The following KLF11 variants were observed in gnomAD, a reference collection of about 807,000 sequenced individuals.
KLF11 encodes the protein Krueppel-like factor 11.
KLF11 carries 26 observed loss-of-function variants against 29.9 expected under a neutral mutation model. The ratio of observed to expected loss-of-function variants is 0.87; its 90% CI spans 0.64 to 1.21. KLF11 has a LOEUF of 1.21. Ranked by LOEUF, KLF11 falls within the 50% of genes most tolerant of loss-of-function variation. The pLI, the probability that KLF11 is intolerant of heterozygous loss-of-function variation, is 0.00. For synonymous variants in KLF11, 318 were observed against 257.4 expected (o/e 1.24, Z -2.25); for missense variants, 778 against 665.7 (o/e 1.17, Z -1.86).
At chr2:10,048,620 T>G (rs1318148903) in intron 3 of KLF11, 25 bp downstream of exon 3, 1 of 1,530,088 alleles carries the variant, frequency 6.5e-7, no homozygotes, top group African/African-American at 1.4e-5. Context: ...AGGTGGGGCA[T>G]TGGGCACACC....
At chr2:10,045,012 G>C (rs573224731) in intron 1 of KLF11, among the ~76,000 whole-genome samples, 2 of 152,372 alleles carry the variant, frequency 1.3e-5, no homozygotes, top group South Asian at 2.1e-4. Context: ...TGAGCATGGT[G>C]GTGGGCGCCT....
rs761257382 is a variant in KLF11, at chr2:10,047,970, T to G, written c.633T>G (p.Phe211Leu). The part of the protein sequence containing the change: ...REGEEQLLGH[F>L]ETLQDTHLTD... ...GAGAAGAGCAGCTTCTGGGACACTT[T>G]GAAACTTTGCAGGACACACACCTCA... The change falls in exon 3 of 4, where the codon TTT becomes TTG. Residue 211 changes from phenylalanine (F) to leucine (L), a missense_variant. Physicochemically the swap from Phe to Leu is conservative, Grantham distance 22. Coordinates refer to ENST00000305883, the MANE Select transcript of KLF11 (RefSeq NM_003597.5). The G allele has an allele frequency of 5.0e-6, 8 of 1,614,018 alleles. No individual in the cohort carries two copies. The South Asian group carries it at 8.8e-5, about 18-fold the overall frequency.
intron 2 of KLF11, 137 bp from the exon 3 acceptor site, chr2:10,047,513 G>A: frequency 1.3e-6 from 1 of 796,252 alleles, no homozygotes; most frequent in Non-Finnish European, 2.1e-6. Flanking sequence ...ATGCAGCCTT[G>A]AAACCCACTG....
At chr2:10,044,773 A>G (rs1572435374) in intron 1 of KLF11, among the ~76,000 whole-genome samples, 1 of 149,822 alleles carries the variant, frequency 6.7e-6, no homozygotes, top group African/African-American at 2.5e-5. Flanking sequence ...GAGTAATATC[A>G]CCCTCTCGCC....
intron 3 of KLF11, among the ~76,000 whole-genome samples, chr2:10,050,583 C>T (rs976966764): frequency 2.0e-4 from 31 of 152,070 alleles, no homozygotes; most frequent in African/African-American, 7.2e-4. Context: ...GTGGCACGCT[C>T]CTGTAGTCCC....
chr2:10,045,271 C>G (rs1357126819), intron 1 of KLF11, among the ~76,000 whole-genome samples: 1 of 151,922 alleles, frequency 6.6e-6, no homozygotes, highest in Non-Finnish European at 1.5e-5. Flanking sequence ...ACTAAAAATA[C>G]GAAATTTTCT....
chr2:10,047,510 C>G, intron 2 of KLF11, 140 bp from the exon 3 acceptor site: 2 of 782,962 alleles, frequency 2.6e-6, no homozygotes, highest in South Asian at 1.5e-5. Context: ...CTCATGCAGC[C>G]TTGAAACCCA....
chr2:10,048,589 C>T lies in KLF11; in HGVS notation c.1252C>T (p.His418Tyr), dbSNP rs1661308673. 4 of 1,600,818 alleles carry T rather than the reference C, an allele frequency of 2.5e-6. No homozygotes were observed. In the South Asian group the frequency reaches 4.4e-5, roughly 18 times the overall value. Residue 418 changes from histidine to tyrosine, a missense_variant, in exon 3 of 4, where the codon CAC (histidine) becomes TAC (tyrosine). Coordinates refer to ENST00000305883, the MANE Select transcript of KLF11 (RefSeq NM_003597.5). Reference protein sequence around the residue: ...SSHLKAHLRTHTGEKPFNCSW... With the variant: ...SSHLKAHLRTYTGEKPFNCSW... ...CCACCTTAAGGCCCATCTTCGCACT[C>T]ACACAGGTAAGCGCTGGGGCAGGTG...
In KLF11 at chr2:10,052,335, G is replaced by T; in HGVS notation, c.1367G>T (p.Cys456Phe). The change falls in exon 4 of 4, where the codon TGC becomes TTC. Residue 456 changes from cysteine to phenylalanine, a missense_variant. Coordinates refer to ENST00000305883, the MANE Select transcript of KLF11 (RefSeq NM_003597.5). The part of the protein sequence containing the change: ...RTHTGEKKFV[C>F]PVCDRRFMRS... The stretch of plus-strand genomic sequence containing the variant: ...CACACAGGGGAGAAGAAGTTTGTGT[G>T]CCCGGTGTGTGACCGACGTTTCATG... 6.2e-7 allele frequency: 1 copy of T among 1,614,170 alleles called. No homozygotes were observed. The highest frequency in any genetic ancestry group is 2.2e-5 in the East Asian group (1 of 44,878).
chr2:10,044,186 G>A, intron 1 of KLF11: 1 of 809,890 alleles, frequency 1.2e-6, no homozygotes, highest in South Asian at 5.8e-5. Flanking sequence ...CGCGGCCGTC[G>A]GGCGGGTTAA....
chr2:10,044,013 C>T (rs1205546135), intron 1 of KLF11: 4 of 754,356 alleles, frequency 5.3e-6, no homozygotes, highest in Admixed American at 6.1e-5. Context: ...TGGGCGGCCC[C>T]GCCCCGCTGG....
chr2:10,048,908 C>CTT lies in KLF11; in HGVS notation c.1258+334_1258+335dup, dbSNP rs58347649. On this transcript the variant is annotated intron_variant, in intron 3 of 3. Transcript: ENST00000305883. ...TTCACATTGCAGTAGACGTTTCATC[C>CTT]TTTTTTTTTTTTTTTTTTTTTTAAA... Among the ~76,000 whole-genome samples, 400 of 121,600 alleles carry CTT rather than the reference C, an allele frequency of 3.3e-3. 1 individual carries two copies. Among genetic ancestry groups the CTT allele is most frequent in the African/African-American group, 8.2e-3 (257 of 31,422 alleles). The allele number at this position is 121,600 out of a possible 152,430, so 79.8% of individuals were successfully genotyped here.
chr2:10,043,742 C>T lies in KLF11; in HGVS notation c.26C>T (p.Pro9Leu), dbSNP rs1661068053. Residue 9 changes from proline (P) to leucine (L), a missense_variant, in exon 1 of 4, where the codon CCA becomes CTA. Transcript: ENST00000305883. MHTPDFAG[P>L]DDARAVDIMD... ...ATGCACACGCCGGACTTCGCAGGCC[C>T]AGACGACGCGCGCGCAGTGAGTGGT... 1.4e-6 allele frequency: 2 copies of T among 1,383,794 alleles called. No homozygotes were observed. Among genetic ancestry groups the T allele is most frequent in the Admixed American group, 2.3e-5 (1 of 43,072 alleles). The allele number at this position is 1,383,794 out of a possible 1,614,324, so 85.7% of individuals were successfully genotyped here.
intron 1 of KLF11, chr2:10,043,963 G>C: frequency 2.2e-6 from 2 of 919,542 alleles, no homozygotes; most frequent in Non-Finnish European, 2.6e-6. Flanking sequence ...CGGGGGCGAG[G>C]AGGGGGCGTG....
At chr2:10,044,567 C>G (rs1044704105) in intron 1 of KLF11, 2 of 372,426 alleles carry the variant, frequency 5.4e-6, no homozygotes, top group Non-Finnish European at 3.7e-6. Context: ...CGGGGAACCT[C>G]GGCAGACGGA....
chr2:10,051,664 C>G (rs1269931271), intron 3 of KLF11, among the ~76,000 whole-genome samples: 2 of 151,962 alleles, frequency 1.3e-5, no homozygotes, highest in African/African-American at 2.4e-5. Context: ...ACTACAGGTG[C>G]CCGCCACCAC....
intron 1 of KLF11, chr2:10,044,418 C>T (rs564527228): frequency 2.8e-5 from 28 of 985,448 alleles, no homozygotes; most frequent in Non-Finnish European, 3.4e-5. Context: ...TGTGCGGGCA[C>T]TGTGGGCCGG....
At position 10,050,252 on chromosome 2, in the gene KLF11, C is replaced by A. The variant is rs187758974; in HGVS notation, c.1258+1657C>A. On this transcript the variant is annotated intron_variant, in intron 3 of 3. Transcript: ENST00000305883. ...TGAAACCCCGTTTCTACTAAAAATA[C>A]AAAAATTAGCTGGGCCTTCTGGCGC... 5.2e-3 allele frequency among the ~76,000 whole-genome samples: 783 copies of A among 151,784 alleles called. 4 individuals are homozygous for A. Among genetic ancestry groups the A allele is most frequent in the Non-Finnish European group, 8.0e-3 (541 of 67,926 alleles).
chr2:10,046,486 A>C, intron 2 of KLF11, 67 bp downstream of exon 2: 1 of 1,559,780 alleles, frequency 6.4e-7, no homozygotes, highest in Non-Finnish European at 8.8e-7. Context: ...CAGTGTGTTG[A>C]AGAACTTGTG....
Sources: allele counts gnomAD v4.1 joint callset (sites outside exome capture counted in the v4.1 genomes callset), GRCh38; gene constraint gnomAD v4.1.1; transcripts MANE v1.5; gene names NCBI Gene and HGNC (gene_info 2026-07-23, HGNC 2026-07-21).